The following LRRC7 variants were observed in gnomAD, a reference collection of about 807,000 sequenced individuals.
The protein encoded by LRRC7 is leucine-rich repeat-containing protein 7.
LRRC7 carries 23 observed loss-of-function variants against 175.7 expected under a neutral mutation model. That is an observed-to-expected ratio of 0.13 (90% CI 0.09 to 0.19). The LOEUF (loss-of-function observed/expected upper bound fraction) is 0.19. LRRC7 is among the 10% of genes least tolerant of loss of function. The probability of loss-of-function intolerance (pLI) is 1.00; values close to 1 mark genes in which losing one functional copy is unlikely to be tolerated. For missense variants in LRRC7, 1,354 were observed against 1,904.7 expected, an observed-to-expected ratio of 0.71 and a Z score of 5.38; for synonymous variants, 685 against 680.9, an observed-to-expected ratio of 1.01 and a Z score of -0.09.
intron 11 of LRRC7, 97 bp downstream of exon 11, chr1:69,994,730 C>T: frequency 1.4e-6 from 1 of 722,892 alleles, no homozygotes; most frequent in South Asian, 1.9e-5. Context: ...ACTAAAGATA[C>T]CAATAATCCT....
At chr1:69,980,754 T>A (rs964720407) in intron 9 of LRRC7, among the ~76,000 whole-genome samples, 12 of 152,168 alleles carry the variant, frequency 7.9e-5, no homozygotes, top group African/African-American at 2.7e-4. Flanking sequence ...AGTTATATTT[T>A]TAAAAAGCAA....
chr1:69,772,083 T>TGGGC (rs1672305443), intron 3 of LRRC7, among the ~76,000 whole-genome samples: 1 of 151,976 alleles, frequency 6.6e-6, no homozygotes, highest in Admixed American at 6.6e-5. Context: ...ATCGCGCCAC[T>TGGGC]GCATTCCAGC....
At chr1:69,893,821 T>A (rs1211939693) in intron 7 of LRRC7, among the ~76,000 whole-genome samples, 1 of 53,584 alleles carries the variant, frequency 1.9e-5, no homozygotes, top group Non-Finnish European at 5.2e-5. Context: ...AAACCAAACT[T>A]TTTTTTTTAG....
intron 3 of LRRC7, among the ~76,000 whole-genome samples, chr1:69,789,297 C>G (rs937519463): frequency 6.6e-6 from 1 of 151,986 alleles, no homozygotes. Context: ...ATGTAAAATA[C>G]CATTAGCAAA....
At chr1:70,042,405 C>T (rs899427223) in intron 21 of LRRC7, among the ~76,000 whole-genome samples, 10 of 152,146 alleles carry the variant, frequency 6.6e-5, no homozygotes, top group African/African-American at 2.4e-4. Flanking sequence ...AATAGTTACA[C>T]AAGAAATTAC....
chr1:69,739,645 T>C (rs924756365), intron 2 of LRRC7, among the ~76,000 whole-genome samples: 1 of 152,106 alleles, frequency 6.6e-6, no homozygotes, highest in Non-Finnish European at 1.5e-5. Flanking sequence ...TACATTTTTA[T>C]TATCAAAGGA....
chr1:69,732,754 A>C (rs1410325531), intron 2 of LRRC7, among the ~76,000 whole-genome samples: 1 of 152,120 alleles, frequency 6.6e-6, no homozygotes, highest in Non-Finnish European at 1.5e-5. Context: ...AAAATATTTT[A>C]GTTTACTTGA....
intron 6 of LRRC7, among the ~76,000 whole-genome samples, chr1:69,838,009 T>C (rs1392620001): frequency 6.6e-6 from 1 of 151,764 alleles, no homozygotes. Context: ...AGACATACAA[T>C]GTGTAATGAT....
At chr1:69,750,552 T>C (rs1372908295) in intron 2 of LRRC7, among the ~76,000 whole-genome samples, 1 of 152,206 alleles carries the variant, frequency 6.6e-6, no homozygotes, top group African/African-American at 2.4e-5. Context: ...CCTTAGTTCA[T>C]TTGTGCTGCT....
rs201205513 is a variant in LRRC7, at chr1:70,039,112, C to T, written c.3288C>T (p.Tyr1096=). Residue 1096 remains tyrosine (Y), a synonymous_variant, in exon 21 of 27, where the codon TAC becomes TAT. Transcript: ENST00000651989. ...IPPPFQHNPE[Y]VQQASKNIAK... is the part of the protein sequence containing the mutation. ...CCCCTTTTCAACACAATCCCGAGTA[C>T]GTGCAACAGGCCAGCAAAAACATCG... The T allele has an allele frequency of 1.9e-5, 30 of 1,614,102 alleles. No homozygotes were observed. The highest frequency in any genetic ancestry group is 6.7e-5 in the East Asian group (3 of 44,842).
At chr1:69,595,042 A>G (rs969793437) in intron 1 of LRRC7, among the ~76,000 whole-genome samples, 5 of 151,588 alleles carry the variant, frequency 3.3e-5, no homozygotes, top group Non-Finnish European at 5.9e-5. Flanking sequence ...ACTATATATC[A>G]GGCAACTTCT....
intron 7 of LRRC7, among the ~76,000 whole-genome samples, chr1:69,842,389 G>C (rs568091360): frequency 6.6e-6 from 1 of 152,024 alleles, no homozygotes; most frequent in Non-Finnish European, 1.5e-5. Context: ...TTCAACTAGA[G>C]TTAAAATATA....
chr1:69,742,143 T>G (rs1668780478), intron 2 of LRRC7, among the ~76,000 whole-genome samples: 1 of 152,032 alleles, frequency 6.6e-6, no homozygotes, highest in African/African-American at 2.4e-5. Context: ...ATAAATTGAA[T>G]AAAGTACAGT....
chr1:69,881,336 T>G (rs1024669158), intron 7 of LRRC7, among the ~76,000 whole-genome samples: 3 of 152,206 alleles, frequency 2.0e-5, no homozygotes, highest in Non-Finnish European at 4.4e-5. Flanking sequence ...TATAAAAATA[T>G]GAAACTATTT....
chr1:69,727,139 A>T (rs1570531341), intron 2 of LRRC7, among the ~76,000 whole-genome samples: 1 of 152,320 alleles, frequency 6.6e-6, no homozygotes, highest in Non-Finnish European at 1.5e-5. Context: ...AGCCTCAGTC[A>T]TTGGAGGGAT....
At position 69,643,373 on chromosome 1, in the gene LRRC7, A is replaced by C. The variant is rs181053612; in HGVS notation, c.3-35008A>C. ...TATAAAATTAACTCTCACAGTCAGTAAAAAAAGAGTGCTTGTACAAATGTG... is the reference window on the plus strand; with the variant it reads ...TATAAAATTAACTCTCACAGTCAGTCAAAAAAGAGTGCTTGTACAAATGTG... On this transcript the variant is annotated intron_variant, in intron 1 of 26. Coordinates refer to ENST00000651989, the MANE Select transcript of LRRC7 (RefSeq NM_001370785.2). 1.1e-4 allele frequency among the ~76,000 whole-genome samples: 16 copies of C among 152,210 alleles called. No homozygotes were observed. The East Asian group carries it at 2.7e-3, about 26-fold the overall frequency.
intron 9 of LRRC7, among the ~76,000 whole-genome samples, chr1:69,984,694 A>T (rs1653768441): frequency 6.6e-6 from 1 of 152,068 alleles, no homozygotes; most frequent in Admixed American, 6.5e-5. Flanking sequence ...TCCCCTCTTC[A>T]TCCTCACTTC....
intron 7 of LRRC7, among the ~76,000 whole-genome samples, chr1:69,838,889 C>G (rs1399159702): frequency 6.6e-6 from 1 of 151,824 alleles, no homozygotes; most frequent in East Asian, 1.9e-4. Flanking sequence ...CTTTGTTTCA[C>G]CCAGCTTTGC....
At chr1:69,727,758 G>A (rs780627198) in intron 2 of LRRC7, among the ~76,000 whole-genome samples, 15 of 152,120 alleles carry the variant, frequency 9.9e-5, no homozygotes, top group Non-Finnish European at 2.1e-4. Flanking sequence ...TTTTCTGTGG[G>A]ACTTTACATT....
Sources: allele counts gnomAD v4.1 joint callset (sites outside exome capture counted in the v4.1 genomes callset), GRCh38; gene constraint gnomAD v4.1.1; transcripts MANE v1.5; gene names NCBI Gene and HGNC (gene_info 2026-07-23, HGNC 2026-07-21).